The following TAFA1 variants were observed in gnomAD, a reference collection of about 807,000 sequenced individuals.
The protein encoded by TAFA1 is chemokine-like protein TAFA-1.
A neutral mutation model predicts 18.5 loss-of-function variants in TAFA1; 4 were observed. The observed-to-expected ratio is 0.22, with a 90% CI of 0.11 to 0.49. TAFA1 has a LOEUF of 0.49. TAFA1 is among the 20% of genes least tolerant of loss of function. TAFA1 has a pLI of 0.98. For synonymous variants in TAFA1, 56 were observed against 55.2 expected (o/e 1.01, Z -0.06); for missense variants, 147 against 169.0 (o/e 0.87, Z 0.72).
chr3:68,366,176 A>G (rs962168817), intron 2 of TAFA1, among the ~76,000 whole-genome samples: 2 of 151,730 alleles, frequency 1.3e-5, no homozygotes, highest in African/African-American at 2.4e-5. Context: ...CCCATGATTC[A>G]GTTATCTCCC....
At chr3:68,105,338 G>T (rs552589537) in intron 2 of TAFA1, among the ~76,000 whole-genome samples, 1 of 152,224 alleles carries the variant, frequency 6.6e-6, no homozygotes, top group Admixed American at 6.5e-5. Context: ...TAACATTTGA[G>T]ACTTTGCAAA....
intron 3 of TAFA1, among the ~76,000 whole-genome samples, chr3:68,515,998 T>C (rs1313926435): frequency 3.9e-5 from 6 of 152,254 alleles, no homozygotes; most frequent in Admixed American, 2.0e-4. Flanking sequence ...ACTTCCCAAA[T>C]GCAATTTACA....
At chr3:68,542,334 A>G (rs1323939975) in intron 4 of TAFA1, among the ~76,000 whole-genome samples, 1 of 152,120 alleles carries the variant, frequency 6.6e-6, no homozygotes, top group Admixed American at 6.6e-5. Flanking sequence ...TTGCTTTATT[A>G]AATAGCTTTG....
chr3:68,542,098 A>G (rs1436254724), intron 4 of TAFA1, among the ~76,000 whole-genome samples: 1 of 152,198 alleles, frequency 6.6e-6, no homozygotes, highest in African/African-American at 2.4e-5. Flanking sequence ...AGGTGGAATT[A>G]GGCAAAGCCT....
intron 3 of TAFA1, among the ~76,000 whole-genome samples, chr3:68,439,266 C>A (rs539499319): frequency 7.9e-5 from 12 of 151,534 alleles, no homozygotes; most frequent in Middle Eastern, 3.4e-3. Flanking sequence ...TGTAAGTGGA[C>A]AAATGTGACC....
intron 2 of TAFA1, among the ~76,000 whole-genome samples, chr3:68,411,466 G>C (rs1450810491): frequency 1.3e-5 from 2 of 152,024 alleles, no homozygotes; most frequent in East Asian, 3.9e-4. Flanking sequence ...TCTTTGATGG[G>C]ACCCTGAAAC....
chr3:68,159,044 T>C (rs2065896930), intron 2 of TAFA1, among the ~76,000 whole-genome samples: 1 of 152,074 alleles, frequency 6.6e-6, no homozygotes, highest in African/African-American at 2.4e-5. Context: ...CATTGTTCAA[T>C]TTGCTGGGGG....
chr3:68,145,492 G>A, intron 2 of TAFA1: 1 of 931,724 alleles, frequency 1.1e-6, no homozygotes, highest in South Asian at 1.3e-5. Flanking sequence ...GAATGGTTCT[G>A]CCCAGAAAGC....
At chr3:68,340,184 C>T (rs993845664) in intron 2 of TAFA1, among the ~76,000 whole-genome samples, 2 of 152,138 alleles carry the variant, frequency 1.3e-5, no homozygotes, top group African/African-American at 4.8e-5. Flanking sequence ...TAGAAGACAG[C>T]ACAGAATCCT....
chr3:68,268,173 C>T (rs2067585210), intron 2 of TAFA1, among the ~76,000 whole-genome samples: 1 of 152,026 alleles, frequency 6.6e-6, no homozygotes, highest in South Asian at 2.1e-4. Context: ...TATTTGACTG[C>T]CATTCTGAGT....
chr3:68,003,484 T>A (rs1013689136), upstream of TAFA1, among the ~76,000 whole-genome samples: 1 of 152,170 alleles, frequency 6.6e-6, no homozygotes, highest in African/African-American at 2.4e-5. Context: ...ACATAGTAGG[T>A]GCTTTATAAG....
intron 2 of TAFA1, among the ~76,000 whole-genome samples, chr3:68,408,625 C>T (rs564584395): frequency 3.3e-5 from 5 of 152,042 alleles, no homozygotes; most frequent in Non-Finnish European, 7.4e-5. Flanking sequence ...CCCTCTCTTT[C>T]TTTCCTTCCT....
At chr3:68,490,564 C>A (rs927334121) in intron 3 of TAFA1, among the ~76,000 whole-genome samples, 1 of 152,036 alleles carries the variant, frequency 6.6e-6, no homozygotes, top group Non-Finnish European at 1.5e-5. Flanking sequence ...TACAGAAGAA[C>A]AGAGTGAAAC....
intron 2 of TAFA1, among the ~76,000 whole-genome samples, chr3:68,079,337 G>T (rs559724906): frequency 0.029 from 4,371 of 151,884 alleles, 217 homozygotes; most frequent in African/African-American, 0.1. Flanking sequence ...ATTTTAGTTA[G>T]TTCTTGCCTT....
chr3:68,326,737 A>C (rs917581475), intron 2 of TAFA1, among the ~76,000 whole-genome samples: 1 of 152,248 alleles, frequency 6.6e-6, no homozygotes, highest in Non-Finnish European at 1.5e-5. Context: ...ACAATAGCAC[A>C]CTTATCTCTC....
chr3:68,042,559 G>T (rs7629280), intron 2 of TAFA1, among the ~76,000 whole-genome samples: 86,905 of 151,900 alleles, frequency 0.57, 25,580 homozygotes, highest in East Asian at 0.67. Context: ...TGAGGCAGGA[G>T]AATCTCTTGA....
intron 3 of TAFA1, among the ~76,000 whole-genome samples, chr3:68,460,780 A>G (rs1046151856): frequency 2.0e-4 from 31 of 152,352 alleles, no homozygotes; most frequent in African/African-American, 7.0e-4. Context: ...GGGCCCAGTA[A>G]TCTGTATTTC....
intron 3 of TAFA1, among the ~76,000 whole-genome samples, chr3:68,533,295 G>A (rs1004616684): frequency 6.6e-5 from 10 of 151,992 alleles, no homozygotes; most frequent in African/African-American, 2.4e-4. Flanking sequence ...ATATGGTGCT[G>A]GACAAGAAAG....
chr3:68,510,265 T>A (rs780290726), intron 3 of TAFA1, among the ~76,000 whole-genome samples: 1 of 152,158 alleles, frequency 6.6e-6, no homozygotes, highest in Non-Finnish European at 1.5e-5. Context: ...CATATTATAC[T>A]CAACCATAAT....
Sources: gnomAD v4.1 joint callset for allele counts (sites outside exome capture counted in the v4.1 genomes callset) on GRCh38, gnomAD v4.1.1 for gene constraint, MANE v1.5 for transcripts, NCBI Gene and HGNC (gene_info 2026-07-23, HGNC 2026-07-21) for gene names.